Variants in SPATA6 observed in about 807,000 individuals in gnomAD.
The protein encoded by SPATA6 is spermatogenesis associated 6.
In SPATA6, 56 loss-of-function variants were observed where a neutral mutation model predicts 65.3. That is an observed-to-expected ratio of 0.86 (90% CI 0.69 to 1.07). SPATA6 has a LOEUF of 1.07. Among genes scored for constraint, SPATA6 ranks in the 50% least tolerant of loss-of-function variants. The pLI is 0.00. For missense variants in SPATA6, 590 were observed against 594.8 expected (o/e 0.99, Z 0.08); for synonymous variants, 199 against 213.2 (o/e 0.93, Z 0.58).
chr1:48,348,975 G>C (rs1251218380), intron 11 of SPATA6, among the ~76,000 whole-genome samples: 1 of 151,744 alleles, frequency 6.6e-6, no homozygotes, highest in Non-Finnish European at 1.5e-5. Context: ...TTTCAGTATT[G>C]CTAATCCATA....
intron 11 of SPATA6, among the ~76,000 whole-genome samples, chr1:48,331,263 T>C (rs537520184): frequency 1.3e-5 from 2 of 152,046 alleles, no homozygotes; most frequent in African/African-American, 4.8e-5. Flanking sequence ...ATTCAGAATA[T>C]GAATAGAAAT....
At chr1:48,305,719 T>G in intron 12 of SPATA6, 68 bp downstream of exon 12, 1 of 1,161,606 alleles carries the variant, frequency 8.6e-7, no homozygotes, top group Non-Finnish European at 1.2e-6. Flanking sequence ...TCCCATAAAT[T>G]CAGCATATTA....
rs1644801378 is a variant in SPATA6 at position 48,295,664 on chromosome 1, T to G, written c.*3049A>C. On this transcript the variant is annotated 3_prime_UTR_variant, in exon 13 of 13. Coordinates refer to ENST00000371847, the MANE Select transcript of SPATA6 (RefSeq NM_019073.4). ...TCTGTAATTAGTGAGTGGTTATTGTTGCACAACTCTGTGAATATAGTAAAA... is the reference window on the plus strand; with the variant it reads ...TCTGTAATTAGTGAGTGGTTATTGTGGCACAACTCTGTGAATATAGTAAAA... 1 of 152,186 alleles carries G rather than the reference T, an allele frequency of 6.6e-6. No individual in the cohort carries two copies. Among genetic ancestry groups the G allele is most frequent in the Non-Finnish European group, 1.5e-5 (1 of 68,014 alleles). 9.4% of individuals were successfully genotyped at this position (152,186 alleles called of 1,614,324 possible).
At chr1:48,442,717 T>TAAAAAAAAAAAAAAAAAAAAAAAAAA (rs71056669) in intron 3 of SPATA6, among the ~76,000 whole-genome samples, 1 of 46,212 alleles carries the variant, frequency 2.2e-5, no homozygotes, top group Non-Finnish European at 3.8e-5. Context: ...ATGGAAGTAG[T>TAAAAAAAAAAAAAAAAAAAAAAAAAA]AAAAAAAAAA....
intron 11 of SPATA6, among the ~76,000 whole-genome samples, chr1:48,352,928 T>C (rs2148798962): frequency 6.6e-6 from 1 of 150,978 alleles, no homozygotes; most frequent in African/African-American, 2.4e-5. Flanking sequence ...AAAATGACTT[T>C]TAACCTAGAA....
At chr1:48,304,890 A>G (rs1645023986) in intron 12 of SPATA6, among the ~76,000 whole-genome samples, 1 of 152,194 alleles carries the variant, frequency 6.6e-6, no homozygotes, top group African/African-American at 2.4e-5. Flanking sequence ...ATGAAAAATA[A>G]CAAACGGTAA....
chr1:48,327,326 T>C (rs938985985), intron 11 of SPATA6, among the ~76,000 whole-genome samples: 3 of 152,222 alleles, frequency 2.0e-5, no homozygotes, highest in African/African-American at 7.2e-5. Flanking sequence ...GAATGGCTAC[T>C]ACGAAAAAGT....
chr1:48,291,044 A>G (rs1045164056), downstream of SPATA6, among the ~76,000 whole-genome samples: 2 of 152,198 alleles, frequency 1.3e-5, no homozygotes, highest in African/African-American at 4.8e-5. Context: ...CAGAATATAC[A>G]TTCTTCTCAG....
chr1:48,439,394 A>G (rs1655247027), intron 3 of SPATA6, among the ~76,000 whole-genome samples: 1 of 152,200 alleles, frequency 6.6e-6, no homozygotes, highest in African/African-American at 2.4e-5. Context: ...GTTCTTGGGC[A>G]AGAGGGGTTT....
rs561113601 is a variant in SPATA6, at chr1:48,362,336, C to T, written c.910-2566G>A. 9.1e-4 allele frequency among the ~76,000 whole-genome samples: 139 copies of T among 152,178 alleles called. 1 individual carries two copies. The highest frequency in any genetic ancestry group is 3.4e-3 in the Middle Eastern group (1 of 294). On this transcript the variant is annotated intron_variant, in intron 9 of 12. Coordinates refer to ENST00000371847, the MANE Select transcript of SPATA6 (RefSeq NM_019073.4). ...GTTGTTTCTAGAATATATCCAAATA[C>T]GAACCAATTGGCCTGGATTATTTTC...
chr1:48,444,364 G>T (rs1374189489), intron 3 of SPATA6, among the ~76,000 whole-genome samples: 1 of 151,446 alleles, frequency 6.6e-6, no homozygotes, highest in Non-Finnish European at 1.5e-5. Flanking sequence ...CTGAAGGACT[G>T]TAAATGCACC....
At chr1:48,363,418 G>A (rs997472771) in intron 9 of SPATA6, among the ~76,000 whole-genome samples, 2 of 152,012 alleles carry the variant, frequency 1.3e-5, no homozygotes, top group Admixed American at 6.6e-5. Context: ...CTGTTTATGA[G>A]ACCCTGAGCA....
the SPATA6 span, among the ~76,000 whole-genome samples, chr1:48,277,115 T>G: frequency 1.9e-4 from 28 of 149,536 alleles, no homozygotes; most frequent in Non-Finnish European, 3.6e-4. Context: ...TTTTTTTTTG[T>G]ATTTTTTAGT....
intron 8 of SPATA6, among the ~76,000 whole-genome samples, chr1:48,387,226 T>C (rs184634171): frequency 3.6e-4 from 55 of 152,190 alleles, no homozygotes; most frequent in Middle Eastern, 3.4e-3. Flanking sequence ...CATGATTCAA[T>C]TGCCTCCCAC....
chr1:48,343,724 C>T (rs1646283174), intron 11 of SPATA6, among the ~76,000 whole-genome samples: 1 of 151,954 alleles, frequency 6.6e-6, no homozygotes, highest in African/African-American at 2.4e-5. Context: ...CCACAGAAGT[C>T]GTATCATCAA....
At chr1:48,315,949 GAATAA>G (rs551025686) in intron 11 of SPATA6, among the ~76,000 whole-genome samples, 159 of 152,250 alleles carry the variant, frequency 1.0e-3, no homozygotes, top group African/African-American at 3.7e-3. Flanking sequence ...GCTTCAAAGA[GAATAA>G]AATACTTCGA....
chr1:48,413,983 C>T (rs142712734), intron 3 of SPATA6, among the ~76,000 whole-genome samples: 276 of 152,244 alleles, frequency 1.8e-3, no homozygotes, highest in African/African-American at 6.4e-3. Flanking sequence ...CTGTTTGAAA[C>T]GGAATGCAAC....
chr1:48,353,434 GAA>G (rs761585999), intron 11 of SPATA6, among the ~76,000 whole-genome samples: 1 of 134,158 alleles, frequency 7.5e-6, no homozygotes. Context: ...TTTCATTCTT[GAA>G]AAAAAAAAAA....
At chr1:48,366,245 C>G (rs983457649) in intron 9 of SPATA6, among the ~76,000 whole-genome samples, 2 of 152,116 alleles carry the variant, frequency 1.3e-5, no homozygotes. Flanking sequence ...GGATATTGGT[C>G]TAAAATTCTC....
Sources: gnomAD v4.1 joint callset for allele counts (sites outside exome capture counted in the v4.1 genomes callset) on GRCh38, gnomAD v4.1.1 for gene constraint, MANE v1.5 for transcripts, NCBI Gene and HGNC (gene_info 2026-07-23, HGNC 2026-07-21) for gene names.